The following RANBP17 variants were observed in gnomAD, a reference collection of about 807,000 sequenced individuals.
RANBP17 encodes the protein ran-binding protein 17.
Under a neutral mutation model 141.2 loss-of-function variants are expected in RANBP17, and 158 were observed. The observed-to-expected ratio is 1.12, with a 90% confidence interval of 0.98 to 1.28. The LOEUF (loss-of-function observed/expected upper bound fraction) is 1.28, where lower values mean the gene tolerates loss of function less well. Among genes scored for constraint, RANBP17 ranks in the 50% most tolerant of loss-of-function variants. The pLI is 0.00. For synonymous variants in RANBP17, 430 were observed against 450.0 expected (o/e 0.96, Z 0.56); for missense variants, 1,438 against 1,290.7 (o/e 1.11, Z -1.75).
intron 22 of RANBP17, among the ~76,000 whole-genome samples, chr5:171,232,314 C>T (rs1225037127): frequency 1.3e-5 from 2 of 152,032 alleles, no homozygotes; most frequent in Admixed American, 6.5e-5. Context: ...AACAAAATTA[C>T]ATCAGTGCTG....
chr5:171,200,961 T>C (rs946058102), intron 19 of RANBP17, among the ~76,000 whole-genome samples: 9 of 152,250 alleles, frequency 5.9e-5, no homozygotes, highest in African/African-American at 1.9e-4. Context: ...CTGTATCTTT[T>C]AGATGTCTTC....
intron 18 of RANBP17, among the ~76,000 whole-genome samples, chr5:171,188,266 A>T (rs1164988217): frequency 6.6e-6 from 1 of 152,222 alleles, no homozygotes; most frequent in African/African-American, 2.4e-5. Context: ...AAACCCAATC[A>T]TCTGCTACCT....
chr5:171,201,035 A>G (rs779318734), intron 19 of RANBP17, among the ~76,000 whole-genome samples: 51 of 152,330 alleles, frequency 3.3e-4, no homozygotes, highest in Non-Finnish European at 4.9e-4. Flanking sequence ...GCCCTTTATC[A>G]AAAAGGAGCA....
rs559510991 is a variant in RANBP17 at position 171,257,219 on chromosome 5, A to G, written c.2777-8462A>G. 3.3e-5 allele frequency among the ~76,000 whole-genome samples: 5 copies of G among 152,382 alleles called. No individual in the cohort carries two copies. In the East Asian group the frequency reaches 7.7e-4, roughly 23 times the overall value. Reference sequence around the variant, plus strand: ...TCCGAAAGATAGTACACGATGATCAATTGGGATTTATCCCAGGAATGCAGC... The same window carrying G: ...TCCGAAAGATAGTACACGATGATCAGTTGGGATTTATCCCAGGAATGCAGC... On this transcript the variant is annotated intron_variant, in intron 24 of 27. Transcript: ENST00000523189.
In RANBP17 at chr5:170,968,214, G is replaced by T. The variant is rs779697519; in HGVS notation, c.1575-28G>T. On this transcript the variant is annotated intron_variant, in intron 13 of 27. Coordinates refer to ENST00000523189, the MANE Select transcript of RANBP17 (RefSeq NM_022897.5). ...GTTTCTCTAAGGTTTTGTACTGAAGGTTTTTTTTTTATTTTCCCTTCATGA... is the reference window on the plus strand; with the variant it reads ...GTTTCTCTAAGGTTTTGTACTGAAGTTTTTTTTTTTATTTTCCCTTCATGA... 23 of 1,353,546 alleles carry T rather than the reference G, an allele frequency of 1.7e-5. No individual in the cohort carries two copies. The East Asian group carries it at 2.3e-4, about 14-fold the overall frequency. The allele number at this position is 1,353,546 out of a possible 1,614,324, so 83.8% of individuals were successfully genotyped here. A position where few individuals can be genotyped will look rare whatever the true frequency, so the allele number is the denominator to read the frequency against.
At position 170,911,097 on chromosome 5, in the gene RANBP17, T is replaced by G; in HGVS notation, c.723T>G (p.Asp241Glu). Reference protein sequence around the residue: ...IGSSADESADDLCTVQIPTTW... With the variant: ...IGSSADESADELCTVQIPTTW... The stretch of plus-strand genomic sequence containing the variant: ...GTTCAGCAGATGAATCTGCAGATGA[T>G]CTTTGCACGGTGCAGATTCCAACAA... The change falls in exon 7 of 28, where the codon GAT (aspartate) becomes GAG (glutamate). Residue 241 changes from aspartate to glutamate, a missense_variant. By Grantham distance (45) the Asp-to-Glu change is conservative. Coordinates refer to ENST00000523189, the MANE Select transcript of RANBP17 (RefSeq NM_022897.5). The G allele has an allele frequency of 6.2e-7, 1 of 1,611,710 alleles. No homozygotes were observed. The highest frequency in any genetic ancestry group is 2.2e-5 in the East Asian group (1 of 44,764).
Position 170,919,584 on chromosome 5 carries a change from T to C in RANBP17, c.1245T>C (p.Ser415=). 6.2e-7 allele frequency: 1 copy of C among 1,604,578 alleles called. No homozygotes were observed. Among genetic ancestry groups the C allele is most frequent in the Non-Finnish European group, 8.5e-7 (1 of 1,177,124 alleles). The change falls in exon 11 of 28, where the codon TCT becomes TCC. Residue 415 remains serine (S), a synonymous_variant. Transcript: ENST00000523189. The part of the protein sequence containing the change: ...APEITKAFIT[S]RLDSVAIVVR... ...AAATCACGAAGGCCTTTATCACTTC[T>C]CGGTTGGACTCTGTTGCCATAGTTG...
At chr5:170,907,460 T>C (rs1196554637) in intron 5 of RANBP17, among the ~76,000 whole-genome samples, 1 of 151,990 alleles carries the variant, frequency 6.6e-6, no homozygotes, top group East Asian at 1.9e-4. Flanking sequence ...TTACATATTG[T>C]TACCTGTAAA....
intron 21 of RANBP17, among the ~76,000 whole-genome samples, chr5:171,215,730 G>GTGCCCACTTT (rs1763173551): frequency 3.9e-5 from 6 of 151,952 alleles, no homozygotes; most frequent in African/African-American, 1.4e-4. Context: ...TTTATATCCT[G>GTGCCCACTTT]TGCCCACTTT....
chr5:171,272,078 G>A (rs535633430), intron 25 of RANBP17, among the ~76,000 whole-genome samples: 6 of 152,254 alleles, frequency 3.9e-5, no homozygotes, highest in South Asian at 4.1e-4. Flanking sequence ...TATCCTAAGC[G>A]AACTAACGCA....
chr5:171,088,506 G>T (rs905694540), intron 14 of RANBP17, among the ~76,000 whole-genome samples: 1 of 152,092 alleles, frequency 6.6e-6, no homozygotes, highest in Admixed American at 6.5e-5. Context: ...CTGAATGTTG[G>T]CCTGCCTTGC....
At chr5:171,239,083 A>T (rs1245941302) in intron 22 of RANBP17, among the ~76,000 whole-genome samples, 1 of 152,228 alleles carries the variant, frequency 6.6e-6, no homozygotes, top group Non-Finnish European at 1.5e-5. Flanking sequence ...TATTGAGTTG[A>T]ATCTTTATGC....
At chr5:171,271,387 A>G (rs866669591) in intron 25 of RANBP17, 54 of 211,264 alleles carry the variant, frequency 2.6e-4, no homozygotes, top group African/African-American at 1.2e-3. Flanking sequence ...GACATCTTTC[A>G]TACTTAAGAT....
intron 14 of RANBP17, among the ~76,000 whole-genome samples, chr5:170,970,856 T>C (rs188375642): frequency 1.3e-5 from 2 of 152,314 alleles, no homozygotes; most frequent in Non-Finnish European, 2.9e-5. Flanking sequence ...TAATATTTAT[T>C]ACACTGCTTT....
chr5:171,132,570 A>C (rs1179849989), intron 14 of RANBP17, among the ~76,000 whole-genome samples: 1 of 152,038 alleles, frequency 6.6e-6, no homozygotes, highest in Non-Finnish European at 1.5e-5. Flanking sequence ...AAAAATTTAA[A>C]AATTAACCAG....
chr5:171,266,463 T>C (rs1169810916), intron 25 of RANBP17, among the ~76,000 whole-genome samples: 1 of 152,172 alleles, frequency 6.6e-6, no homozygotes, highest in Admixed American at 6.5e-5. Context: ...TTTTAAAAAC[T>C]CACTTGTGCA....
At chr5:171,128,475 A>G (rs988871172) in intron 14 of RANBP17, among the ~76,000 whole-genome samples, 5 of 152,206 alleles carry the variant, frequency 3.3e-5, no homozygotes, top group African/African-American at 1.2e-4. Flanking sequence ...TCTCATGGAG[A>G]TCTAAAGTAG....
chr5:171,115,116 C>A (rs1292450649), intron 14 of RANBP17, among the ~76,000 whole-genome samples: 2 of 151,608 alleles, frequency 1.3e-5, no homozygotes, highest in Non-Finnish European at 2.9e-5. Context: ...CAAAAAAAAA[C>A]AAAAACTTTA....
At chr5:171,184,074 C>T (rs1761058377) in intron 18 of RANBP17, among the ~76,000 whole-genome samples, 1 of 152,052 alleles carries the variant, frequency 6.6e-6, no homozygotes, top group Non-Finnish European at 1.5e-5. Context: ...TGTAGAGGAT[C>T]CTCAGAAAAT....
Sources: allele counts gnomAD v4.1 joint callset (sites outside exome capture counted in the v4.1 genomes callset), GRCh38; gene constraint gnomAD v4.1.1; transcripts MANE v1.5; gene names NCBI Gene and HGNC (gene_info 2026-07-23, HGNC 2026-07-21).